The following ARHGAP20 variants were observed in gnomAD, a reference collection of about 807,000 sequenced individuals.
ARHGAP20 encodes the protein Rho GTPase activating protein 20.
In ARHGAP20, 34 loss-of-function variants were observed where a neutral mutation model predicts 73.7. That is an observed-to-expected ratio of 0.46 (90% CI 0.35 to 0.61). The LOEUF is 0.61. Ranked by LOEUF, ARHGAP20 falls within the 20% of genes least tolerant of loss-of-function variation. The probability of loss-of-function intolerance (pLI) is 0.00; values close to 1 mark genes in which losing one functional copy is unlikely to be tolerated. For missense variants in ARHGAP20, 1,314 were observed against 1,420.9 expected (o/e 0.92, Z 1.21); for synonymous variants, 523 against 518.2 (o/e 1.01, Z -0.13).
At chr11:110,648,996 C>T (rs1453828810) in intron 2 of ARHGAP20, among the ~76,000 whole-genome samples, 2 of 151,996 alleles carry the variant, frequency 1.3e-5, no homozygotes, top group Non-Finnish European at 2.9e-5. Flanking sequence ...GCCTTAACAT[C>T]AAGTGTTTCA....
chr11:110,691,010 C>T, intron 1 of ARHGAP20: 1 of 1,521,636 alleles, frequency 6.6e-7, no homozygotes, highest in Admixed American at 2.1e-5. Context: ...CGGGTAGATA[C>T]TACTATCTTT....
intron 4 of ARHGAP20, among the ~76,000 whole-genome samples, chr11:110,617,282 G>C (rs547963046): frequency 2.4e-3 from 355 of 147,538 alleles, no homozygotes; most frequent in African/African-American, 7.5e-3. Context: ...TTTTTGAGAT[G>C]GAGTTTCACT....
At chr11:110,701,848 C>T (rs1262311641) in intron 1 of ARHGAP20, among the ~76,000 whole-genome samples, 1 of 151,924 alleles carries the variant, frequency 6.6e-6, no homozygotes, top group Non-Finnish European at 1.5e-5. Context: ...GAATCCTTTC[C>T]CCATTGCTTG....
chr11:110,701,601 T>A (rs1338503958), intron 1 of ARHGAP20, among the ~76,000 whole-genome samples: 1 of 151,968 alleles, frequency 6.6e-6, no homozygotes, highest in Non-Finnish European at 1.5e-5. Context: ...ATCCCATTTG[T>A]CAATTTTGGC....
At chr11:110,596,481 G>A (rs891947630) in intron 9 of ARHGAP20, among the ~76,000 whole-genome samples, 5 of 151,974 alleles carry the variant, frequency 3.3e-5, no homozygotes, top group African/African-American at 1.2e-4. Context: ...GTGGGCAAAG[G>A]ATATGAACAG....
intron 9 of ARHGAP20, among the ~76,000 whole-genome samples, chr11:110,597,452 C>T (rs1323838095): frequency 6.6e-6 from 1 of 151,992 alleles, no homozygotes; most frequent in Non-Finnish European, 1.5e-5. Context: ...TACTTGTGCT[C>T]AGTCTTGGTT....
intron 9 of ARHGAP20, among the ~76,000 whole-genome samples, chr11:110,603,563 T>C (rs1029472718): frequency 6.6e-6 from 1 of 152,216 alleles, no homozygotes; most frequent in African/African-American, 2.4e-5. Context: ...CATACAAATG[T>C]ACAGCAGATA....
intron 2 of ARHGAP20, among the ~76,000 whole-genome samples, chr11:110,682,102 A>G (rs1397087508): frequency 6.6e-6 from 1 of 152,176 alleles, no homozygotes; most frequent in African/African-American, 2.4e-5. Context: ...ACCTAGAAAT[A>G]TAATTGTCTT....
intron 7 of ARHGAP20, 65 bp from the exon 8 acceptor site, chr11:110,609,115 ATTT>A (rs57075075): frequency 0.2 from 257,893 of 1,301,882 alleles, 26,196 homozygotes; most frequent in Admixed American, 0.37. Context: ...ATGAGGACAC[ATTT>A]TTTTTTTTTG....
At chr11:110,662,917 T>C (rs570039791) in intron 2 of ARHGAP20, among the ~76,000 whole-genome samples, 2 of 152,042 alleles carry the variant, frequency 1.3e-5, no homozygotes, top group East Asian at 3.9e-4. Flanking sequence ...ACCAAGAACA[T>C]CTTGTCATAT....
chr11:110,581,143 A>G lies in ARHGAP20; in HGVS notation c.1803T>C (p.Ser601=). The G allele has an allele frequency of 6.2e-7, 1 of 1,614,218 alleles. No individual in the cohort carries two copies. Among genetic ancestry groups the G allele is most frequent in the South Asian group, 1.1e-5 (1 of 91,088 alleles). Residue 601 remains serine, a synonymous_variant, in exon 15 of 15, where the codon AGT becomes AGC. Transcript: ENST00000683387. ...ELNEDVDAPC[S]DLVKKLGQGS... ...CCTGGCCAAGTTTCTTTACCAAGTC[A>G]CTGCATGGTGCATCAACATCCTCAT...
intron 2 of ARHGAP20, among the ~76,000 whole-genome samples, chr11:110,650,691 C>T (rs1949330544): frequency 6.6e-6 from 1 of 152,014 alleles, no homozygotes; most frequent in Non-Finnish European, 1.5e-5. Flanking sequence ...GTACTTCATG[C>T]AATTTAGTTC....
At position 110,654,206 on chromosome 11, in the gene ARHGAP20, T is replaced by C. The variant is rs531723025; in HGVS notation, c.189-23414A>G. On this transcript the variant is annotated intron_variant, in intron 2 of 14. Transcript: ENST00000683387. Reference sequence around the variant, plus strand: ...TGCACATGTACTCTGGAACTTAAAATAAAAAAATACAAACCCTGGCATATA... The same window carrying C: ...TGCACATGTACTCTGGAACTTAAAACAAAAAAATACAAACCCTGGCATATA... 2.6e-5 allele frequency among the ~76,000 whole-genome samples: 4 copies of C among 151,906 alleles called. No individual in the cohort carries two copies. The South Asian group carries it at 8.3e-4, about 32-fold the overall frequency.
At chr11:110,591,195 G>T (rs756291289) in intron 10 of ARHGAP20, among the ~76,000 whole-genome samples, 17 of 152,202 alleles carry the variant, frequency 1.1e-4, no homozygotes, top group Non-Finnish European at 1.6e-4. Flanking sequence ...TGCTTACAGT[G>T]TAAGAAGAGA....
chr11:110,643,394 G>T lies in ARHGAP20; in HGVS notation c.189-12602C>A, dbSNP rs564304060. Among the ~76,000 whole-genome samples the T allele has an allele frequency of 9.9e-5, 15 of 152,042 alleles. No individual in the cohort carries two copies. In the South Asian group the frequency reaches 3.1e-3, roughly 32 times the overall value. ...ATTTGAGCTCTTCCTTCTTGATGTG[G>T]GTGTTTAGTACGACAATCTTTCCTC... On this transcript the variant is annotated intron_variant, in intron 2 of 14. Coordinates refer to ENST00000683387, the MANE Select transcript of ARHGAP20 (RefSeq NM_001384657.1).
chr11:110,643,870 T>C (rs1182307316), intron 2 of ARHGAP20, among the ~76,000 whole-genome samples: 2 of 152,164 alleles, frequency 1.3e-5, no homozygotes, highest in African/African-American at 4.8e-5. Context: ...CCATTATTAT[T>C]GTATGGCTGT....
chr11:110,579,578 C>A lies in ARHGAP20; in HGVS notation c.3368G>T (p.Ser1123Ile), dbSNP rs1284560897. Residue 1123 changes from serine (S) to isoleucine (I), a missense_variant, in exon 15 of 15, where the codon AGC becomes ATC. By Grantham distance (142) the Ser-to-Ile change is moderately radical. This residue lies in a region of ARHGAP20 where 641 missense variants were observed against 636.9 expected (regional missense o/e 1.01). Coordinates refer to ENST00000683387, the MANE Select transcript of ARHGAP20 (RefSeq NM_001384657.1). ...SPFQDSERHCSSPFSLVESRL... is the reference protein window; with the variant it reads ...SPFQDSERHCISPFSLVESRL... ...GCTCTCCACCAGGCTGAATGGAGAGCTACAGTGTCTCTCTGAGTCCTGGAA... is the reference window on the plus strand; with the variant it reads ...GCTCTCCACCAGGCTGAATGGAGAGATACAGTGTCTCTCTGAGTCCTGGAA... The A allele has an allele frequency of 1.9e-6, 3 of 1,613,878 alleles. No homozygotes were observed. The Admixed American group carries it at 5.0e-5, about 27-fold the overall frequency.
intron 2 of ARHGAP20, among the ~76,000 whole-genome samples, chr11:110,687,194 C>T (rs149361877): frequency 6.7e-6 from 1 of 149,004 alleles, no homozygotes; most frequent in Non-Finnish European, 1.5e-5. Flanking sequence ...CCTCCCACCT[C>T]AGCCTTCCAA....
intron 2 of ARHGAP20, among the ~76,000 whole-genome samples, chr11:110,684,333 T>C (rs967348528): frequency 2.0e-5 from 3 of 152,160 alleles, no homozygotes; most frequent in Admixed American, 6.6e-5. Context: ...ATTCAGAAAC[T>C]ATTCAAAATT....
Sources: gnomAD v4.1 joint callset for allele counts (sites outside exome capture counted in the v4.1 genomes callset) on GRCh38, gnomAD v4.1.1 for gene constraint, gnomAD v4.1.1 regional missense constraint, MANE v1.5 for transcripts, NCBI Gene and HGNC (gene_info 2026-07-23, HGNC 2026-07-21) for gene names.